PLCB1: variants seen among roughly 807,000 people sequenced by gnomAD.
PLCB1 encodes the protein phospholipase C beta 1.
Under a neutral mutation model 161.8 loss-of-function variants are expected in PLCB1, and 46 were observed. The ratio of observed to expected loss-of-function variants is 0.28; its 90% CI spans 0.22 to 0.36. The LOEUF (loss-of-function observed/expected upper bound fraction) is 0.36. Among genes scored for constraint, PLCB1 ranks in the 10% least tolerant of loss-of-function variants. The probability of loss-of-function intolerance (pLI) is 1.00; values close to 1 mark genes in which losing one functional copy is unlikely to be tolerated. For missense variants in PLCB1, 1,016 were observed against 1,472.5 expected, an observed-to-expected ratio of 0.69 and a Z score of 5.07; for synonymous variants, 517 against 503.7, an observed-to-expected ratio of 1.03 and a Z score of -0.35.
At chr20:8,672,269 A>G (rs1024510332) in intron 9 of PLCB1, among the ~76,000 whole-genome samples, 6 of 152,218 alleles carry the variant, frequency 3.9e-5, no homozygotes, top group Non-Finnish European at 8.8e-5. Context: ...TACTGTGAGG[A>G]TAAAATGAGT....
chr20:8,879,943 CAG>C (rs1197123083), intron 31 of PLCB1, among the ~76,000 whole-genome samples: 1 of 152,102 alleles, frequency 6.6e-6, no homozygotes, highest in African/African-American at 2.4e-5. Context: ...AGAACCCAGA[CAG>C]GGAGCTATCA....
chr20:8,165,007 C>T (rs568145976), intron 2 of PLCB1, among the ~76,000 whole-genome samples: 3 of 152,144 alleles, frequency 2.0e-5, no homozygotes, highest in Non-Finnish European at 4.4e-5. Flanking sequence ...ACATCTGGCC[C>T]ATAAACTTGA....
At chr20:8,202,105 T>C (rs910482914) in intron 2 of PLCB1, among the ~76,000 whole-genome samples, 3 of 146,372 alleles carry the variant, frequency 2.0e-5, no homozygotes, top group African/African-American at 7.7e-5. Context: ...TGAGACAGTG[T>C]CTCACTCTGT....
At chr20:8,493,213 C>G (rs866103053) in intron 3 of PLCB1, among the ~76,000 whole-genome samples, 3 of 152,242 alleles carry the variant, frequency 2.0e-5, no homozygotes, top group Middle Eastern at 6.8e-3. Flanking sequence ...TGTCATCTAT[C>G]TTTCACTGAT....
chr20:8,722,305 G>A (rs1210552576), intron 14 of PLCB1, 49 bp from the exon 15 acceptor site: 7 of 1,391,176 alleles, frequency 5.0e-6, no homozygotes, highest in Non-Finnish European at 6.1e-6. Flanking sequence ...ATGCTGTAAA[G>A]CTAAATGTTG....
intron 31 of PLCB1, among the ~76,000 whole-genome samples, chr20:8,852,107 C>T (rs1296532935): frequency 6.6e-6 from 1 of 152,222 alleles, no homozygotes; most frequent in Non-Finnish European, 1.5e-5. Context: ...GCTGCTGTCT[C>T]AGTTCATTCC....
intron 2 of PLCB1, among the ~76,000 whole-genome samples, chr20:8,291,335 A>C (rs1421861715): frequency 6.6e-6 from 1 of 152,084 alleles, no homozygotes; most frequent in African/African-American, 2.4e-5. Flanking sequence ...CTGTTTGCCC[A>C]CCTGTGAGCC....
In PLCB1 at chr20:8,789,178, T is replaced by C. The variant is rs1487588247; in HGVS notation, c.3279-340T>C. On this transcript the variant is annotated intron_variant, in intron 29 of 31. Coordinates refer to ENST00000338037, the MANE Select transcript of PLCB1 (RefSeq NM_015192.4). ...GGATTGCTTGAGGCCAGGAGTTCAA[T>C]AGGGGCCTGGGCAACACAGGGAGAC... 8.5e-5 allele frequency among the ~76,000 whole-genome samples: 13 copies of C among 152,170 alleles called. No individual in the cohort carries two copies. The East Asian group carries it at 9.7e-4, about 11-fold the overall frequency.
At chr20:8,322,583 T>C (rs1984968942) in intron 2 of PLCB1, among the ~76,000 whole-genome samples, 1 of 152,090 alleles carries the variant, frequency 6.6e-6, no homozygotes, top group Non-Finnish European at 1.5e-5. Flanking sequence ...AGAAGATGGT[T>C]ATAAAAACTG....
chr20:8,503,756 A>G (rs1384656796), intron 3 of PLCB1, among the ~76,000 whole-genome samples: 1 of 152,122 alleles, frequency 6.6e-6, no homozygotes, highest in Non-Finnish European at 1.5e-5. Context: ...TTTTCATTGT[A>G]TACATTGATT....
At chr20:8,338,431 T>C (rs1600326114) in intron 2 of PLCB1, among the ~76,000 whole-genome samples, 2 of 152,286 alleles carry the variant, frequency 1.3e-5, no homozygotes, top group East Asian at 3.9e-4. Flanking sequence ...ACCAAGATAA[T>C]TGTTAAATAG....
chr20:8,664,433 A>G (rs899371922), intron 9 of PLCB1, among the ~76,000 whole-genome samples: 2 of 152,080 alleles, frequency 1.3e-5, no homozygotes, highest in African/African-American at 4.8e-5. Flanking sequence ...GCCAATAATG[A>G]TTGTATCAGT....
At chr20:8,559,239 G>A (rs562548955) in intron 3 of PLCB1, among the ~76,000 whole-genome samples, 1 of 151,902 alleles carries the variant, frequency 6.6e-6, no homozygotes, top group Non-Finnish European at 1.5e-5. Flanking sequence ...GTATACTCTT[G>A]AAGTTAAGTT....
chr20:8,816,958 C>A (rs568850021), intron 31 of PLCB1, among the ~76,000 whole-genome samples: 1 of 152,158 alleles, frequency 6.6e-6, no homozygotes, highest in Non-Finnish European at 1.5e-5. Flanking sequence ...AAAAAGAAAT[C>A]CAATTCAGGC....
intron 2 of PLCB1, among the ~76,000 whole-genome samples, chr20:8,179,779 G>A (rs892155035): frequency 6.7e-6 from 1 of 150,064 alleles, no homozygotes; most frequent in Non-Finnish European, 1.5e-5. Context: ...AATATTGACT[G>A]TGGGTTTTTC....
At chr20:8,565,786 C>T (rs1344952259) in intron 3 of PLCB1, among the ~76,000 whole-genome samples, 1 of 151,976 alleles carries the variant, frequency 6.6e-6, no homozygotes, top group Non-Finnish European at 1.5e-5. Flanking sequence ...GTGTTTTGTC[C>T]TCAGTCATTT....
chr20:8,682,224 A>G (rs1289010433), intron 9 of PLCB1, among the ~76,000 whole-genome samples: 1 of 152,210 alleles, frequency 6.6e-6, no homozygotes, highest in African/African-American at 2.4e-5. Flanking sequence ...GCCCAGGCCC[A>G]GCTCAGCGGC....
chr20:8,701,709 GACATATAGTAGATGCTC>G (rs1440928499), intron 11 of PLCB1, among the ~76,000 whole-genome samples: 1 of 152,258 alleles, frequency 6.6e-6, no homozygotes, highest in Middle Eastern at 3.4e-3. Context: ...AGCAGAACCT[GACATATAGTAGATGCTC>G]AATAAATGTT....
chr20:8,286,366 G>C (rs187862690), intron 2 of PLCB1, among the ~76,000 whole-genome samples: 1 of 152,140 alleles, frequency 6.6e-6, no homozygotes, highest in South Asian at 2.1e-4. Flanking sequence ...CCAAGTTTAC[G>C]TGAATGCCAT....
Sources: allele counts gnomAD v4.1 joint callset (sites outside exome capture counted in the v4.1 genomes callset), GRCh38; gene constraint gnomAD v4.1.1; transcripts MANE v1.5; gene names NCBI Gene and HGNC (gene_info 2026-07-23, HGNC 2026-07-21).